UPF2: variants seen among roughly 807,000 people sequenced by gnomAD.
The protein encoded by UPF2 is UPF2 regulator of nonsense mediated mRNA decay.
UPF2 carries 17 observed loss-of-function variants against 141.4 expected under a neutral mutation model. The ratio of observed to expected loss-of-function variants is 0.12; its 90% confidence interval spans 0.08 to 0.18. The LOEUF (loss-of-function observed/expected upper bound fraction) is 0.18, where lower values mean the gene tolerates loss of function less well. Ranked by LOEUF, UPF2 falls within the 10% of genes least tolerant of loss-of-function variation. The pLI, the probability that UPF2 is intolerant of heterozygous loss-of-function variation, is 1.00. For synonymous variants in UPF2, 540 were observed against 498.0 expected (o/e 1.08, Z -1.12); for missense variants, 1,152 against 1,515.9 (o/e 0.76, Z 3.99).
At chr10:11,997,877 T>A in intron 7 of UPF2, 120 bp from the exon 8 acceptor site, 1 of 928,282 alleles carries the variant, frequency 1.1e-6, no homozygotes, top group Non-Finnish European at 1.6e-6. Context: ...TTTAAGAAAC[T>A]AGTATTGTTA....
At chr10:11,945,049 C>A (rs1248092979) in intron 16 of UPF2, among the ~76,000 whole-genome samples, 4 of 152,164 alleles carry the variant, frequency 2.6e-5, no homozygotes, top group African/African-American at 9.7e-5. Context: ...TAACCATGAA[C>A]AATAAATGCT....
At chr10:11,944,457 G>A (rs1832976232) in intron 16 of UPF2, among the ~76,000 whole-genome samples, 1 of 152,126 alleles carries the variant, frequency 6.6e-6, no homozygotes, top group African/African-American at 2.4e-5. Context: ...TTGTACCACT[G>A]CACTCCGGCC....
At chr10:12,001,957 T>C (rs1833959736) in intron 5 of UPF2, 132 bp from the exon 6 acceptor site, 1 of 795,496 alleles carries the variant, frequency 1.3e-6, no homozygotes, top group Non-Finnish European at 1.9e-6. Context: ...CTGAAGTTAA[T>C]ATATTTAGAT....
chr10:12,043,034 C>T (rs1588587329), upstream of UPF2: 1 of 152,302 alleles, frequency 6.6e-6, no homozygotes, highest in African/African-American at 2.4e-5. Context: ...CCGATGCCCT[C>T]AGCTTGACTC....
chr10:11,992,155 T>A lies in UPF2; in HGVS notation c.1844+5517A>T, dbSNP rs573684196. Among the ~76,000 whole-genome samples, 1 of 148,480 alleles carries A rather than the reference T, an allele frequency of 6.7e-6. No individual in the cohort carries two copies. Among genetic ancestry groups the A allele is most frequent in the African/African-American group, 2.5e-5 (1 of 40,578 alleles). On this transcript the variant is annotated intron_variant, in intron 8 of 21. Transcript: ENST00000357604. This position sits in a 1 kb window ranked among gnomAD's most constrained non-coding sequence, Gnocchi z 4.1. Reference sequence around the variant, plus strand: ...CAAAACTCAGTCTCAAAAAAAAAAATGAAAATGACCTTCAGCAAATAAGGG... The same window carrying A: ...CAAAACTCAGTCTCAAAAAAAAAAAAGAAAATGACCTTCAGCAAATAAGGG...
At chr10:11,995,260 C>T (rs955483806) in intron 8 of UPF2, among the ~76,000 whole-genome samples, 1 of 152,014 alleles carries the variant, frequency 6.6e-6, no homozygotes, top group Non-Finnish European at 1.5e-5. Context: ...GTAGAGAGAG[C>T]AAACAGTATT....
At chr10:11,925,324 A>G (rs113070770) in intron 21 of UPF2, among the ~76,000 whole-genome samples, 18 of 152,320 alleles carry the variant, frequency 1.2e-4, no homozygotes, top group African/African-American at 4.1e-4. Context: ...GTGCTATTTT[A>G]AGAAAAGATC....
chr10:11,978,778 C>T (rs1339002324), intron 9 of UPF2, among the ~76,000 whole-genome samples: 1 of 152,062 alleles, frequency 6.6e-6, no homozygotes, highest in Non-Finnish European at 1.5e-5. Flanking sequence ...CTGTCTTGAC[C>T]CTGGAGAATG....
At chr10:11,965,499 A>T (rs1363953027) in intron 10 of UPF2, among the ~76,000 whole-genome samples, 1 of 152,064 alleles carries the variant, frequency 6.6e-6, no homozygotes, top group East Asian at 1.9e-4. Context: ...TGGCTCTGTC[A>T]CCCAGTCTGG....
At chr10:12,021,709 G>A (rs771094990) in intron 3 of UPF2, among the ~76,000 whole-genome samples, 19 of 152,120 alleles carry the variant, frequency 1.2e-4, no homozygotes, top group Non-Finnish European at 2.4e-4. Flanking sequence ...CTTTGCCCTT[G>A]TGCAGTCATA....
intron 3 of UPF2, among the ~76,000 whole-genome samples, chr10:12,021,951 C>A (rs931930305): frequency 6.6e-6 from 1 of 151,954 alleles, no homozygotes; most frequent in African/African-American, 2.4e-5. Context: ...ACCAGCCTGG[C>A]CAACATGGTG....
chr10:11,977,012 G>C (rs570419247), intron 9 of UPF2, among the ~76,000 whole-genome samples: 3 of 152,292 alleles, frequency 2.0e-5, no homozygotes, highest in African/African-American at 2.4e-5. Context: ...CCAGAGGCAG[G>C]CTTCCTAGAA....
intron 8 of UPF2, among the ~76,000 whole-genome samples, chr10:11,995,246 G>A (rs1196862821): frequency 1.3e-5 from 2 of 152,174 alleles, no homozygotes; most frequent in African/African-American, 2.4e-5. Context: ...GCAAAGGTAT[G>A]GGAGTAGAGA....
chr10:11,936,424 T>G lies in UPF2; in HGVS notation c.3546+121A>C, dbSNP rs1832851675. The G allele has an allele frequency of 9.7e-7, 1 of 1,029,078 alleles. No homozygotes were observed. The highest frequency in any genetic ancestry group is 1.7e-5 in the African/African-American group (1 of 60,366). 63.7% of individuals were successfully genotyped at this position (1,029,078 alleles called of 1,614,324 possible). A position where few individuals can be genotyped will look rare whatever the true frequency, so the allele number is the denominator to read the frequency against. Reference sequence around the variant, plus strand: ...AAAAAAACTATATAAGGGAAGAAATTATTCTACCACTGAATGGTTTAAAAC... The same window carrying G: ...AAAAAAACTATATAAGGGAAGAAATGATTCTACCACTGAATGGTTTAAAAC... On this transcript the variant is annotated intron_variant, in intron 19 of 21. Transcript: ENST00000357604. This position sits in a 1 kb window ranked among gnomAD's most constrained non-coding sequence, Gnocchi z 6.6.
In UPF2 at chr10:11,931,929, T is replaced by C; in HGVS notation, c.3547-147A>G. ...ACTTTGGGAGGCCGAGGCGGGCGGATCACGAGGTCAAGAGATCAAGACCAT... is the reference window on the plus strand; with the variant it reads ...ACTTTGGGAGGCCGAGGCGGGCGGACCACGAGGTCAAGAGATCAAGACCAT... On this transcript the variant is annotated intron_variant, in intron 19 of 21. Coordinates refer to ENST00000357604, the MANE Select transcript of UPF2 (RefSeq NM_015542.4). The surrounding 1 kb of genome is among the most constrained non-coding windows in gnomAD (Gnocchi z 5.9). 1.3e-6 allele frequency: 1 copy of C among 778,310 alleles called. No homozygotes were observed. The highest frequency in any genetic ancestry group is 1.9e-6 in the Non-Finnish European group (1 of 520,916). 48.2% of individuals were successfully genotyped at this position (778,310 alleles called of 1,614,324 possible).
At chr10:11,938,890 G>T (rs1832900335) in intron 18 of UPF2, among the ~76,000 whole-genome samples, 1 of 67,062 alleles carries the variant, frequency 1.5e-5, no homozygotes, top group African/African-American at 6.8e-5. Context: ...TTTGGAGACG[G>T]AGTCTCACTC....
chr10:11,996,734 A>G (rs535255901), intron 8 of UPF2, among the ~76,000 whole-genome samples: 1 of 152,310 alleles, frequency 6.6e-6, no homozygotes, highest in East Asian at 1.9e-4. Context: ...ACATTAACAC[A>G]TTCCCTCTCC....
Position 12,029,017 on chromosome 10 carries a change from T to C in UPF2, c.873A>G (p.Leu291=). ...CCCGATCAGCATTAATAATATTTTTTAGCTGTTCATAGATTAAGGAAAGAC... is the reference window on the plus strand; with the variant it reads ...CCCGATCAGCATTAATAATATTTTTCAGCTGTTCATAGATTAAGGAAAGAC... The part of the protein sequence containing the change: ...KEGLSLIYEQ[L]KNIINADRES... Residue 291 remains leucine (L), a synonymous_variant, in exon 3 of 22, where the codon CTA becomes CTG. Coordinates refer to ENST00000357604, the MANE Select transcript of UPF2 (RefSeq NM_015542.4). 6.2e-7 allele frequency: 1 copy of C among 1,614,246 alleles called. No homozygotes were observed. Among genetic ancestry groups the C allele is most frequent in the Non-Finnish European group, 8.5e-7 (1 of 1,180,052 alleles).
At chr10:11,938,842 G>GTTTTGTTTTTTTT (rs1832886963) in intron 18 of UPF2, among the ~76,000 whole-genome samples, 2 of 45,862 alleles carry the variant, frequency 4.4e-5, no homozygotes, top group African/African-American at 1.4e-4. Context: ...TCTTAAGCAA[G>GTTTTGTTTTTTTT]TTTTTTTTTT....
Sources: allele counts gnomAD v4.1 joint callset (sites outside exome capture counted in the v4.1 genomes callset), GRCh38; gene constraint gnomAD v4.1.1; non-coding constraint Gnocchi (gnomAD v3.1); transcripts MANE v1.5; gene names NCBI Gene and HGNC (gene_info 2026-07-23, HGNC 2026-07-21).